Variants in SBF1 observed in about 807,000 individuals in gnomAD.
SBF1 encodes myotubularin-related protein 5.
Under a neutral mutation model 215.8 loss-of-function variants are expected in SBF1, and 65 were observed. The observed-to-expected ratio is 0.30, with a 90% CI of 0.25 to 0.37. The LOEUF (loss-of-function observed/expected upper bound fraction) is 0.37. Ranked by LOEUF, SBF1 falls within the 10% of genes least tolerant of loss-of-function variation. SBF1 has a pLI of 1.00. For synonymous variants in SBF1, 1,410 were observed against 1,122.8 expected (o/e 1.26, Z -5.11); for missense variants, 2,634 against 2,667.8 (o/e 0.99, Z 0.28).
rs567724398 is a variant in SBF1 at position 50,466,800 on chromosome 22, T to G, written c.550-90A>C. On this transcript the variant is annotated intron_variant, in intron 5 of 40. Coordinates refer to ENST00000380817, the MANE Select transcript of SBF1 (RefSeq NM_002972.4). ...CTCTGTGTCCCCAGGCAGACCCTGGTGTACTGACAGACCCGAGGTGGGACT... is the reference window on the plus strand; with the variant it reads ...CTCTGTGTCCCCAGGCAGACCCTGGGGTACTGACAGACCCGAGGTGGGACT... 9.2e-5 allele frequency: 83 copies of G among 898,380 alleles called. 1 individual carries two copies. The South Asian group carries it at 1.4e-3, about 16-fold the overall frequency. 55.7% of individuals were successfully genotyped at this position (898,380 alleles called of 1,614,324 possible). A position where few individuals can be genotyped will look rare whatever the true frequency, so the allele number is the denominator to read the frequency against.
intron 15 of SBF1, among the ~76,000 whole-genome samples, chr22:50,463,642 G>A (rs1026008567): frequency 1.3e-5 from 2 of 152,256 alleles, no homozygotes; most frequent in African/African-American, 2.4e-5. Context: ...ACACAAGGAC[G>A]CAGATGCTGC....
rs767321488 is a variant in SBF1 at position 50,456,626 on chromosome 22, T to C, written c.3952A>G (p.Thr1318Ala). ...RTSGRSSGLG[T>A]DVGSRLAGRD... Reference sequence around the variant, plus strand: ...CCAGCTAGCCGGGAGCCCACATCGGTGCCAAGGCCACTGCTGCGTCCACTG... The same window carrying C: ...CCAGCTAGCCGGGAGCCCACATCGGCGCCAAGGCCACTGCTGCGTCCACTG... Residue 1318 changes from threonine to alanine, a missense_variant, in exon 30 of 41, where the codon ACC becomes GCC. Transcript: ENST00000380817. 1.3e-6 allele frequency: 2 copies of C among 1,514,564 alleles called. No individual in the cohort carries two copies. Among genetic ancestry groups the C allele is most frequent in the East Asian group, 2.3e-5 (1 of 42,682 alleles). 93.8% of individuals were successfully genotyped at this position (1,514,564 alleles called of 1,614,324 possible). A position where few individuals can be genotyped will look rare whatever the true frequency, so the allele number is the denominator to read the frequency against.
Position 50,455,580 on chromosome 22 carries a change from G to C in SBF1, c.4269C>G (p.Ile1423Met), listed in dbSNP as rs370634606. The change falls in exon 32 of 41, where the codon ATC becomes ATG. Residue 1423 changes from isoleucine (I) to methionine (M), a missense_variant and splice_region_variant. Ile to Met is a conservative substitution (Grantham distance 10, BLOSUM62 1). Coordinates refer to ENST00000380817, the MANE Select transcript of SBF1 (RefSeq NM_002972.4). ...SLEDSEWLIQIHKLLQVSVLV... is the reference protein window; with the variant it reads ...SLEDSEWLIQMHKLLQVSVLV... ...GCACAGACACCTGCAGCAGCTTGTG[G>C]ATCTGCAGGGACAGGCGGCCTCAGC... The C allele has an allele frequency of 5.1e-6, 8 of 1,571,106 alleles. No individual in the cohort carries two copies. The highest frequency in any genetic ancestry group is 6.9e-6 in the Non-Finnish European group (8 of 1,158,054).
In SBF1 at chr22:50,460,329, G is replaced by A. The variant is rs559847431; in HGVS notation, c.3226C>T (p.Pro1076Ser). 7 of 1,613,416 alleles carry A rather than the reference G, an allele frequency of 4.3e-6. No homozygotes were observed. The African/African-American group carries it at 9.3e-5, about 22-fold the overall frequency. ...QHVTRKKYNP[P>S]SWEHRGQPPP... is the part of the protein sequence containing the mutation. ...GGCTGGCCCCGGTGCTCCCAGCTGG[G>A]GGGGTTGTACTTCTTGCGAGTGACA... Residue 1076 changes from proline (P) to serine (S), a missense_variant, in exon 25 of 41, where the codon CCC (proline) becomes TCC (serine). Transcript: ENST00000380817.
chr22:50,470,160 T>C (rs2067946341), intron 1 of SBF1, among the ~76,000 whole-genome samples: 1 of 151,456 alleles, frequency 6.6e-6, no homozygotes, highest in Non-Finnish European at 1.5e-5. Flanking sequence ...AAGGCCTCCT[T>C]GTGTTTGGCC....
Position 50,460,603 on chromosome 22 carries a change from A to G in SBF1, c.3077T>C (p.Phe1026Ser). The G allele has an allele frequency of 6.2e-7, 1 of 1,614,124 alleles. No homozygotes were observed. Among genetic ancestry groups the G allele is most frequent in the Non-Finnish European group, 8.5e-7 (1 of 1,180,036 alleles). ...YPPDIRATFA[F>S]TLGSAHTPGR... ...AGGTGTGTGGGCAGAGCCCAAGGTG[A>G]ACGCAAAGGTGGCCCTGATGTCCGG... is the stretch of plus-strand genomic sequence containing the variant. The change falls in exon 24 of 41, where the codon TTC (phenylalanine) becomes TCC (serine). Residue 1026 changes from phenylalanine (F) to serine (S), a missense_variant. Phe to Ser is a radical substitution (Grantham distance 155). Transcript: ENST00000380817.
Position 50,461,694 on chromosome 22 carries a change from G to A in SBF1, c.2668C>T (p.Leu890=). The A allele has an allele frequency of 6.2e-7, 1 of 1,609,692 alleles. No individual in the cohort carries two copies. The highest frequency in any genetic ancestry group is 8.5e-7 in the Non-Finnish European group (1 of 1,179,020). The change falls in exon 22 of 41, where the codon CTG becomes TTG. Residue 890 remains leucine (L), a synonymous_variant. Transcript: ENST00000380817. ...TCCAGCACACACTCCTCACCCGGCA[G>A]CAGGCGCGGCCGCAGCAGCTTGGGC... The part of the protein sequence containing the change: ...QKPKLLRPRL[L]PGEECVLDGL...
At position 50,447,457 on chromosome 22, in the gene SBF1, G is replaced by A; in HGVS notation, c.5452-4C>T. 1.9e-6 allele frequency: 3 copies of A among 1,588,344 alleles called. No homozygotes were observed. Among genetic ancestry groups the A allele is most frequent in the Non-Finnish European group, 2.6e-6 (3 of 1,167,412 alleles). ...CACGGTGGTCGTAGTAGCGCAGCTGGAGGAGGCCACAGAGTCAGCGGAGCC... is the reference window on the plus strand; with the variant it reads ...CACGGTGGTCGTAGTAGCGCAGCTGAAGGAGGCCACAGAGTCAGCGGAGCC... On this transcript the variant is annotated splice_region_variant and splice_polypyrimidine_tract_variant and intron_variant, in intron 39 of 40. Transcript: ENST00000380817.
chr22:50,447,666 G>T, intron 38 of SBF1, 57 bp from the exon 39 acceptor site: 3 of 1,322,478 alleles, frequency 2.3e-6, no homozygotes, highest in Non-Finnish European at 2.1e-6. Context: ...CCAAGCCCAG[G>T]CCCCAGCAGT....
At chr22:50,461,026 C>T in intron 23 of SBF1, 133 bp downstream of exon 23, 2 of 1,214,708 alleles carry the variant, frequency 1.6e-6, no homozygotes, top group African/African-American at 1.5e-5. Flanking sequence ...ACAGTGAGGG[C>T]CCCAGACATG....
rs2067684309 is a variant in SBF1 at position 50,464,943 on chromosome 22, T to C, written c.1333-26A>G. On this transcript the variant is annotated intron_variant, in intron 12 of 40. Coordinates refer to ENST00000380817, the MANE Select transcript of SBF1 (RefSeq NM_002972.4). ...CTAGCGGGGTAAGCAGGAGGTTAGGTAAGCCATGGTCAGGCGGAGCCAGGG... is the reference window on the plus strand; with the variant it reads ...CTAGCGGGGTAAGCAGGAGGTTAGGCAAGCCATGGTCAGGCGGAGCCAGGG... The C allele has an allele frequency of 5.6e-6, 9 of 1,613,356 alleles. No individual in the cohort carries two copies. The African/African-American group carries it at 6.7e-5, about 12-fold the overall frequency.
chr22:50,462,073 C>A lies in SBF1; in HGVS notation c.2443G>T (p.Glu815Ter), dbSNP rs770960734. The A allele has an allele frequency of 6.2e-7, 1 of 1,613,964 alleles. No individual in the cohort carries two copies. The highest frequency in any genetic ancestry group is 8.5e-7 in the Non-Finnish European group (1 of 1,180,046). The change falls in exon 20 of 41, where the codon GAG becomes TAG. Residue 815 changes from glutamate (E) to a stop codon, truncating the protein, a stop_gained. Transcript: ENST00000380817. LOFTEE classifies it high-confidence loss of function. ...GCTACGTCGCAGGTCTCTGCATCCT[C>A]GAAGCCGCTCTCCGTGTCATAGCTC... ...AESYDTESGF[E>*]DAETCDVAGA...
In SBF1 at chr22:50,447,308, C is replaced by CG. The variant is rs199991995; in HGVS notation, c.5583+13dup. ...AGAGCCCCTCCCCTCTCCCAAGCCCCGGCCAAGGCTCACGTCAAAGAAGGC... is the reference window on the plus strand; with the variant it reads ...AGAGCCCCTCCCCTCTCCCAAGCCCCGGGCCAAGGCTCACGTCAAAGAAGGC... On this transcript the variant is annotated intron_variant, in intron 40 of 40. Coordinates refer to ENST00000380817, the MANE Select transcript of SBF1 (RefSeq NM_002972.4). 7.0e-3 allele frequency: 11,276 copies of CG among 1,613,576 alleles called. 407 individuals carry two copies. The Admixed American group carries it at 0.077, about 11-fold the overall frequency.
chr22:50,465,751 A>G lies in SBF1; in HGVS notation c.1089+12T>C, dbSNP rs1444862969. 1 of 1,589,894 alleles carries G rather than the reference A, an allele frequency of 6.3e-7. No homozygotes were observed. Among genetic ancestry groups the G allele is most frequent in the Non-Finnish European group, 8.6e-7 (1 of 1,169,302 alleles). On this transcript the variant is annotated intron_variant, in intron 10 of 40. Coordinates refer to ENST00000380817, the MANE Select transcript of SBF1 (RefSeq NM_002972.4). ...CCTGGGGTCCCCATGCAGGAGCAGC[A>G]ACGACCCCCACCTGCATCTTCAGGG...
At position 50,445,268 on chromosome 22, in the gene SBF1, T is replaced by G. The variant is rs1434914293; in HGVS notation, c.*1874A>C. On this transcript the variant is annotated 3_prime_UTR_variant, in exon 41 of 41. Coordinates refer to ENST00000380817, the MANE Select transcript of SBF1 (RefSeq NM_002972.4). Reference sequence around the variant, plus strand: ...CTACAGCTTAGCAAATACTGACATTTTTCCGTTTGGGGGATGGGGGGAACC... The same window carrying G: ...CTACAGCTTAGCAAATACTGACATTGTTCCGTTTGGGGGATGGGGGGAACC... The G allele has an allele frequency of 2.0e-5, 3 of 152,442 alleles. 1 individual carries two copies. Among genetic ancestry groups the G allele is most frequent in the Admixed American group, 1.3e-4 (2 of 15,278 alleles). 9.4% of individuals were successfully genotyped at this position (152,442 alleles called of 1,614,324 possible). A position where few individuals can be genotyped will look rare whatever the true frequency, so the allele number is the denominator to read the frequency against.
intron 22 of SBF1, 109 bp downstream of exon 22, chr22:50,461,414 A>T: frequency 6.7e-7 from 1 of 1,493,676 alleles, no homozygotes; most frequent in Non-Finnish European, 8.9e-7. Context: ...CCCGTTTCCC[A>T]CGGGCACCCA....
chr22:50,467,147 A>G (rs1210532589), intron 5 of SBF1, 191 bp downstream of exon 5: 3 of 603,172 alleles, frequency 5.0e-6, no homozygotes, highest in Non-Finnish European at 8.8e-6. Context: ...TGAACGACAC[A>G]GGCCCAGAGC....
intron 36 of SBF1, among the ~76,000 whole-genome samples, chr22:50,449,625 AACACAC>A (rs59541336): frequency 0.01 from 1,506 of 146,954 alleles, 29 homozygotes; most frequent in African/African-American, 0.036. Flanking sequence ...AAAACACACA[AACACAC>A]ACACACACAC....
rs961714930 is a variant in SBF1 at position 50,456,154 on chromosome 22, G to A, written c.4266+62C>T. ...CAAGCAAACCTAGACCCGTCCACTTGGCTCTACCCAAGGGGAGGGCCCAGC... is the reference window on the plus strand; with the variant it reads ...CAAGCAAACCTAGACCCGTCCACTTAGCTCTACCCAAGGGGAGGGCCCAGC... On this transcript the variant is annotated intron_variant, in intron 31 of 40. Coordinates refer to ENST00000380817, the MANE Select transcript of SBF1 (RefSeq NM_002972.4). 6 of 1,552,748 alleles carry A rather than the reference G, an allele frequency of 3.9e-6. No homozygotes were observed. In the African/African-American group the frequency reaches 6.8e-5, roughly 18 times the overall value.
Sources: gnomAD v4.1 joint callset for allele counts (sites outside exome capture counted in the v4.1 genomes callset) on GRCh38, gnomAD v4.1.1 for gene constraint, MANE v1.5 for transcripts, NCBI Gene and HGNC (gene_info 2026-07-23, HGNC 2026-07-21) for gene names.